HSPA12A: variants seen among roughly 807,000 people sequenced by gnomAD.
HSPA12A encodes the protein heat shock protein family A (Hsp70) member 12A.
A neutral mutation model predicts 69.2 loss-of-function variants in HSPA12A; 28 were observed. The observed-to-expected ratio is 0.40, with a 90% CI of 0.30 to 0.55. The LOEUF (loss-of-function observed/expected upper bound fraction) is 0.55, where lower values mean the gene tolerates loss of function less well. Among genes scored for constraint, HSPA12A ranks in the 20% least tolerant of loss-of-function variants. HSPA12A has a pLI of 0.38. For synonymous variants in HSPA12A, 345 were observed against 370.5 expected, an observed-to-expected ratio of 0.93 and a Z score of 0.79; for missense variants, 686 against 900.7, an observed-to-expected ratio of 0.76 and a Z score of 3.05.
At position 116,683,922 on chromosome 10, in the gene HSPA12A, A is replaced by G. The variant is rs1554879107; in HGVS notation, c.704T>C (p.Ile235Thr). 1 of 1,589,892 alleles carries G rather than the reference A, an allele frequency of 6.3e-7. No homozygotes were observed. Among genetic ancestry groups the G allele is most frequent in the South Asian group, 1.1e-5 (1 of 89,678 alleles). ...AGAGGCTGCCTCAGGCTCCAAGGCA[A>G]TGATGAGCTGCTCCGAGTTCTCGGG... ...ASPENSEQLI[I>T]ALEPEAASIY... Residue 235 changes from isoleucine (I) to threonine (T), a missense_variant, in exon 7 of 12, where the codon ATT (isoleucine) becomes ACT (threonine). Physicochemically the swap from Ile to Thr is moderately conservative, Grantham distance 89. Coordinates refer to ENST00000369209, the MANE Select transcript of HSPA12A (RefSeq NM_025015.3).
chr10:116,784,188 A>C (rs1374428295), intron 2 of HSPA12A, among the ~76,000 whole-genome samples: 1 of 152,210 alleles, frequency 6.6e-6, no homozygotes, highest in Non-Finnish European at 1.5e-5. Flanking sequence ...TGGACACACA[A>C]AAGTCACATT....
intron 2 of HSPA12A, among the ~76,000 whole-genome samples, chr10:116,759,823 G>T (rs1589689689): frequency 1.3e-5 from 2 of 152,208 alleles, no homozygotes; most frequent in East Asian, 3.9e-4. Context: ...ATGGGGCTGG[G>T]TCTTTCCCAT....
intron 2 of HSPA12A, among the ~76,000 whole-genome samples, chr10:116,773,435 C>G (rs117342009): frequency 6.6e-6 from 1 of 152,348 alleles, no homozygotes; most frequent in Admixed American, 6.5e-5. Flanking sequence ...GGGAGCTGTG[C>G]GTCACTCAAA....
intron 1 of HSPA12A, among the ~76,000 whole-genome samples, chr10:116,713,675 T>A (rs1850517359): frequency 6.6e-6 from 1 of 152,198 alleles, no homozygotes; most frequent in African/African-American, 2.4e-5. Context: ...GTCTCTCTCC[T>A]AACTGCAGGT....
intron 2 of HSPA12A, among the ~76,000 whole-genome samples, chr10:116,809,130 T>G (rs1264263339): frequency 6.6e-6 from 1 of 152,162 alleles, no homozygotes; most frequent in Non-Finnish European, 1.5e-5. Context: ...ATCAAAGGGC[T>G]TAAGTGGGGA....
intron 2 of HSPA12A, among the ~76,000 whole-genome samples, chr10:116,754,534 G>T (rs187230472): frequency 1.3e-5 from 2 of 152,296 alleles, no homozygotes; most frequent in African/African-American, 4.8e-5. Context: ...GAGCAAATAG[G>T]TTGCATCAAT....
chr10:116,827,010 C>G (rs1281893072), intron 2 of HSPA12A, among the ~76,000 whole-genome samples: 1 of 152,158 alleles, frequency 6.6e-6, no homozygotes, highest in Non-Finnish European at 1.5e-5. Context: ...CGATTCAGAT[C>G]CCCGCAATCT....
intron 2 of HSPA12A, among the ~76,000 whole-genome samples, chr10:116,747,577 A>G (rs1387984837): frequency 2.0e-5 from 3 of 152,244 alleles, no homozygotes; most frequent in Admixed American, 6.5e-5. Flanking sequence ...ACCAGACACT[A>G]TGAGAGCCAA....
chr10:116,812,399 G>A (rs1257364389), intron 2 of HSPA12A, among the ~76,000 whole-genome samples: 1 of 152,088 alleles, frequency 6.6e-6, no homozygotes, highest in Non-Finnish European at 1.5e-5. Flanking sequence ...GATGCAGCGA[G>A]TCGAAATTGC....
intron 5 of HSPA12A, among the ~76,000 whole-genome samples, chr10:116,694,658 T>C (rs1162740335): frequency 6.6e-6 from 1 of 152,078 alleles, no homozygotes; most frequent in Non-Finnish European, 1.5e-5. Context: ...CTACGGCTCC[T>C]CCTCCTAACT....
At chr10:116,846,404 C>T (rs890805450) in intron 1 of HSPA12A, among the ~76,000 whole-genome samples, 3 of 151,160 alleles carry the variant, frequency 2.0e-5, no homozygotes, top group African/African-American at 7.3e-5. Flanking sequence ...GGCTGGAGCA[C>T]AGTGGCACAA....
chr10:116,721,912 C>T (rs1850794934), intron 1 of HSPA12A, among the ~76,000 whole-genome samples: 1 of 152,334 alleles, frequency 6.6e-6, no homozygotes, highest in South Asian at 2.1e-4. Context: ...CCTTCCAGGA[C>T]CCCTTGTTCC....
In HSPA12A at chr10:116,675,395, C is replaced by T; in HGVS notation, c.1414G>A (p.Val472Met). 1 of 1,599,868 alleles carries T rather than the reference C, an allele frequency of 6.3e-7. No homozygotes were observed. Among genetic ancestry groups the T allele is most frequent in the Non-Finnish European group, 8.5e-7 (1 of 1,173,424 alleles). ...HLRDLFQKPE[V>M]STVKFLFLVG... The stretch of plus-strand genomic sequence containing the variant: ...AGAAAGAGGAACTTGACGGTGGACA[C>T]CTCGGGCTTCTGAAACAGGTCCCCT... Residue 472 changes from valine to methionine, a missense_variant, in exon 12 of 12, where the codon GTG becomes ATG. Transcript: ENST00000369209. This position sits in a 1 kb window ranked among gnomAD's most constrained non-coding sequence, Gnocchi z 5.2.
chr10:116,715,293 T>G (rs1163985740), intron 1 of HSPA12A, among the ~76,000 whole-genome samples: 1 of 152,220 alleles, frequency 6.6e-6, no homozygotes, highest in Non-Finnish European at 1.5e-5. Context: ...AGAAGAGACT[T>G]AAAACACACA....
intron 1 of HSPA12A, among the ~76,000 whole-genome samples, chr10:116,835,878 G>C (rs1458955354): frequency 6.6e-6 from 1 of 152,158 alleles, no homozygotes; most frequent in Non-Finnish European, 1.5e-5. Flanking sequence ...GTGTGTGGTG[G>C]TGAATGCCTG....
chr10:116,741,060 G>C (rs1851489083), intron 1 of HSPA12A, among the ~76,000 whole-genome samples: 1 of 151,562 alleles, frequency 6.6e-6, no homozygotes, highest in East Asian at 1.9e-4. Flanking sequence ...CACCAGCTGA[G>C]GAAGAGTACA....
intron 2 of HSPA12A, among the ~76,000 whole-genome samples, chr10:116,755,609 C>CA (rs1204991661): frequency 0.21 from 9,088 of 44,212 alleles, 758 homozygotes; most frequent in African/African-American, 0.28. Context: ...GAGACTGTCT[C>CA]AAAAAAAAAA....
At chr10:116,690,742 T>C (rs1849711016) in intron 6 of HSPA12A, among the ~76,000 whole-genome samples, 1 of 151,244 alleles carries the variant, frequency 6.6e-6, no homozygotes, top group African/African-American at 2.4e-5. Flanking sequence ...TCCCACCTCC[T>C]AGAAGAGCCA....
intron 1 of HSPA12A, among the ~76,000 whole-genome samples, chr10:116,730,889 C>A (rs555060258): frequency 5.2e-5 from 8 of 152,396 alleles, no homozygotes; most frequent in African/African-American, 1.9e-4. Context: ...AGGAACCGGG[C>A]CCTCCTGGCT....
Sources: gnomAD v4.1 joint callset for allele counts (sites outside exome capture counted in the v4.1 genomes callset) on GRCh38, gnomAD v4.1.1 for gene constraint, Gnocchi (gnomAD v3.1) non-coding constraint, MANE v1.5 for transcripts, NCBI Gene and HGNC (gene_info 2026-07-23, HGNC 2026-07-21) for gene names.